Variants in ARHGAP44 observed in about 807,000 individuals in gnomAD.
ARHGAP44 encodes the protein rho GTPase-activating protein 44.
A neutral mutation model predicts 106.8 loss-of-function variants in ARHGAP44; 43 were observed. The observed-to-expected ratio is 0.40, with a 90% CI of 0.32 to 0.52. The LOEUF is 0.52. Among genes scored for constraint, ARHGAP44 ranks in the 20% least tolerant of loss-of-function variants. The pLI is 0.48. For synonymous variants in ARHGAP44, 439 were observed against 410.3 expected, an observed-to-expected ratio of 1.07 and a Z score of -0.85; for missense variants, 866 against 1,050.5, an observed-to-expected ratio of 0.82 and a Z score of 2.43.
chr17:12,873,111 A>T (rs978117782), intron 1 of ARHGAP44, among the ~76,000 whole-genome samples: 6 of 131,870 alleles, frequency 4.5e-5, no homozygotes, highest in Admixed American at 2.3e-4. Context: ...GCTGCTTTGC[A>T]TCCCCACATT....
intron 8 of ARHGAP44, among the ~76,000 whole-genome samples, chr17:12,941,932 G>A (rs906186421): frequency 3.3e-5 from 5 of 152,160 alleles, no homozygotes; most frequent in Admixed American, 3.3e-4. Context: ...TTTATAATCG[G>A]GGAAGGAAAG....
At chr17:12,885,302 C>T (rs889468802) in intron 1 of ARHGAP44, among the ~76,000 whole-genome samples, 2 of 151,394 alleles carry the variant, frequency 1.3e-5, no homozygotes, top group African/African-American at 2.4e-5. Context: ...ACAAATAAAG[C>T]TCTATGGACA....
rs1009055390 is a variant in ARHGAP44, at chr17:12,789,732, C to A, written c.-107C>A. ...GGCGCCCGGAGGCTCCGCAGTGCCG[C>A]CGCCGTCGCCCGGGAGGCTCCGCGC... is the stretch of plus-strand genomic sequence containing the variant. On this transcript the variant is annotated 5_prime_UTR_variant, in exon 1 of 21. Coordinates refer to ENST00000379672, the MANE Select transcript of ARHGAP44 (RefSeq NM_014859.6). 3 of 1,101,532 alleles carry A rather than the reference C, an allele frequency of 2.7e-6. No homozygotes were observed. Among genetic ancestry groups the A allele is most frequent in the Non-Finnish European group, 1.2e-6 (1 of 839,140 alleles). The allele number at this position is 1,101,532 out of a possible 1,614,324, so 68.2% of individuals were successfully genotyped here. A position where few individuals can be genotyped will look rare whatever the true frequency, so the allele number is the denominator to read the frequency against.
intron 1 of ARHGAP44, 108 bp from the exon 2 acceptor site, chr17:12,894,832 C>T (rs2037153879): frequency 2.0e-6 from 2 of 983,038 alleles, no homozygotes; most frequent in Non-Finnish European, 3.1e-6. Context: ...GTTTCTACTA[C>T]TCATGTCTCT....
intron 1 of ARHGAP44, 36 bp downstream of exon 1, chr17:12,789,927 C>A: frequency 6.7e-7 from 1 of 1,497,762 alleles, no homozygotes; most frequent in Non-Finnish European, 8.9e-7. Context: ...CGGTGCGCGC[C>A]CGCGAGGCTG....
chr17:12,852,943 A>G (rs2035802714), intron 1 of ARHGAP44, among the ~76,000 whole-genome samples: 3 of 152,220 alleles, frequency 2.0e-5, no homozygotes, highest in Admixed American at 2.0e-4. Context: ...AGAGCAAGAT[A>G]TTCGAAGTGT....
intron 1 of ARHGAP44, among the ~76,000 whole-genome samples, chr17:12,837,930 CCATCCTTTGACTTCTCCAG>C (rs1405903897): frequency 6.6e-6 from 1 of 151,954 alleles, no homozygotes; most frequent in Non-Finnish European, 1.5e-5. Context: ...CATTGAGAAC[CCATCCTTTGACTTCTCCAG>C]CATCCTCCCT....
chr17:12,972,541 G>A (rs1447735881), intron 16 of ARHGAP44, among the ~76,000 whole-genome samples: 2 of 151,880 alleles, frequency 1.3e-5, no homozygotes, highest in Non-Finnish European at 2.9e-5. Flanking sequence ...CCAGCTACTC[G>A]GGAGGCTGAG....
chr17:12,882,343 T>C (rs1190547188), intron 1 of ARHGAP44, among the ~76,000 whole-genome samples: 3 of 152,114 alleles, frequency 2.0e-5, no homozygotes. Flanking sequence ...AGTTTTATTA[T>C]TTATAATAAT....
intron 3 of ARHGAP44, among the ~76,000 whole-genome samples, chr17:12,900,106 C>A (rs921378949): frequency 1.3e-5 from 2 of 152,062 alleles, no homozygotes; most frequent in Non-Finnish European, 2.9e-5. Context: ...AATTACCTTT[C>A]CATGTTGCCA....
intron 1 of ARHGAP44, among the ~76,000 whole-genome samples, chr17:12,880,190 A>G (rs1472504573): frequency 6.6e-6 from 1 of 152,020 alleles, no homozygotes; most frequent in African/African-American, 2.4e-5. Flanking sequence ...GTTAATTTTC[A>G]TATTATTTAT....
At chr17:12,946,848 A>G (rs902386221) in intron 10 of ARHGAP44, among the ~76,000 whole-genome samples, 1 of 152,002 alleles carries the variant, frequency 6.6e-6, no homozygotes, top group Non-Finnish European at 1.5e-5. Flanking sequence ...TAACCTATTA[A>G]AATCATCAAA....
chr17:12,923,635 C>G (rs1018423432), intron 6 of ARHGAP44, among the ~76,000 whole-genome samples: 2 of 152,158 alleles, frequency 1.3e-5, no homozygotes, highest in African/African-American at 4.8e-5. Flanking sequence ...TATAGATTCC[C>G]CATAAGTATG....
At chr17:12,817,166 A>T (rs1333829977) in intron 1 of ARHGAP44, among the ~76,000 whole-genome samples, 1 of 152,124 alleles carries the variant, frequency 6.6e-6, no homozygotes, top group East Asian at 1.9e-4. Flanking sequence ...AATAATCCAT[A>T]GGTGAAAAGA....
chr17:12,907,127 T>C lies in ARHGAP44; in HGVS notation c.199-1770T>C, dbSNP rs148071273. Among the ~76,000 whole-genome samples, 171 of 152,238 alleles carry C rather than the reference T, an allele frequency of 1.1e-3. 1 individual carries two copies. The highest frequency in any genetic ancestry group is 2.8e-3 in the African/African-American group (117 of 41,560). On this transcript the variant is annotated intron_variant, in intron 3 of 20. Transcript: ENST00000379672. ...GCTCTATGTGTTAACACCAGGAGGC[T>C]CTGGGCTGGGTGTAGTTCAGTCACT...
At chr17:12,901,598 C>T (rs901391743) in intron 3 of ARHGAP44, among the ~76,000 whole-genome samples, 7 of 151,800 alleles carry the variant, frequency 4.6e-5, no homozygotes, top group Admixed American at 1.3e-4. Context: ...TGGATGTGGG[C>T]GTATGAAGAA....
chr17:12,947,996 C>G (rs2038897338), intron 10 of ARHGAP44, among the ~76,000 whole-genome samples: 1 of 152,170 alleles, frequency 6.6e-6, no homozygotes, highest in South Asian at 2.1e-4. Flanking sequence ...AATTGGAAGT[C>G]TATATGGCCA....
chr17:12,794,749 A>G (rs2033869052), intron 1 of ARHGAP44, among the ~76,000 whole-genome samples: 1 of 152,046 alleles, frequency 6.6e-6, no homozygotes, highest in South Asian at 2.1e-4. Flanking sequence ...ACAGCTTTGC[A>G]GGTATCATTG....
At chr17:12,932,493 T>A (rs1339079055) in intron 7 of ARHGAP44, among the ~76,000 whole-genome samples, 1 of 152,242 alleles carries the variant, frequency 6.6e-6, no homozygotes, top group African/African-American at 2.4e-5. Context: ...TTTGACTTTA[T>A]GTTGACATCT....
Sources: allele counts gnomAD v4.1 joint callset (sites outside exome capture counted in the v4.1 genomes callset), GRCh38; gene constraint gnomAD v4.1.1; transcripts MANE v1.5; gene names NCBI Gene and HGNC (gene_info 2026-07-23, HGNC 2026-07-21).